Variants in DLGAP2 observed in about 807,000 individuals in gnomAD.
DLGAP2 encodes the protein disks large-associated protein 2.
DLGAP2 carries 26 observed loss-of-function variants against 100.3 expected under a neutral mutation model. The observed-to-expected ratio is 0.26, with a 90% CI of 0.19 to 0.36. The LOEUF (loss-of-function observed/expected upper bound fraction) is 0.36, where lower values mean the gene tolerates loss of function less well. Among genes scored for constraint, DLGAP2 ranks in the 10% least tolerant of loss-of-function variants. The pLI, the probability that DLGAP2 is intolerant of heterozygous loss-of-function variation, is 1.00. For synonymous variants in DLGAP2, 886 were observed against 630.1 expected (o/e 1.41, Z -6.08); for missense variants, 1,858 against 1,453.2 (o/e 1.28, Z -4.53).
chr8:1,290,142 C>T (rs1443240922), intron 3 of DLGAP2, among the ~76,000 whole-genome samples: 3 of 152,170 alleles, frequency 2.0e-5, no homozygotes, highest in African/African-American at 7.2e-5. Flanking sequence ...GACTCTATTA[C>T]ATAACGTGTG....
intron 2 of DLGAP2, among the ~76,000 whole-genome samples, chr8:1,029,348 T>G (rs888745530): frequency 1.3e-5 from 2 of 152,006 alleles, no homozygotes; most frequent in Admixed American, 1.3e-4. Flanking sequence ...TACCAGCATT[T>G]AGGGTGGGCA....
intron 5 of DLGAP2, among the ~76,000 whole-genome samples, chr8:1,550,199 T>C (rs764291297): frequency 6.6e-6 from 1 of 152,206 alleles, no homozygotes; most frequent in African/African-American, 2.4e-5. Context: ...GCAGATCTCC[T>C]TCTTTCAAAG....
chr8:1,663,986 C>T (rs1231026149), intron 8 of DLGAP2, among the ~76,000 whole-genome samples: 1 of 152,176 alleles, frequency 6.6e-6, no homozygotes, highest in African/African-American at 2.4e-5. Flanking sequence ...CTGCAGACCG[C>T]TGGGGAAATC....
intron 2 of DLGAP2, among the ~76,000 whole-genome samples, chr8:1,023,851 T>TTA (rs199656400): frequency 7.0e-5 from 5 of 71,170 alleles, no homozygotes; most frequent in Admixed American, 1.7e-4. Flanking sequence ...TGCTCAAACT[T>TTA]TATATATGTG....
At chr8:972,784 G>A (rs954157910) in intron 2 of DLGAP2, among the ~76,000 whole-genome samples, 1 of 152,188 alleles carries the variant, frequency 6.6e-6, no homozygotes. Flanking sequence ...CGGTGTTTGT[G>A]TCCCTGGGTA....
intron 3 of DLGAP2, among the ~76,000 whole-genome samples, chr8:1,465,070 C>G (rs1017621745): frequency 7.2e-5 from 11 of 152,362 alleles, no homozygotes; most frequent in Middle Eastern, 3.4e-3. Flanking sequence ...GGTCACCAGC[C>G]AGGGATCCCC....
intron 2 of DLGAP2, among the ~76,000 whole-genome samples, chr8:908,589 T>A (rs1472884661): frequency 6.6e-6 from 1 of 152,184 alleles, no homozygotes; most frequent in East Asian, 1.9e-4. Context: ...TAAAAAAAAC[T>A]TCGTTATCAT....
At chr8:1,452,375 C>G (rs568666785) in intron 3 of DLGAP2, among the ~76,000 whole-genome samples, 1 of 152,350 alleles carries the variant, frequency 6.6e-6, no homozygotes, top group East Asian at 1.9e-4. Flanking sequence ...AACATCAGCC[C>G]TGAGCCGAGG....
chr8:1,355,653 G>A (rs561852077), intron 3 of DLGAP2, among the ~76,000 whole-genome samples: 18 of 152,180 alleles, frequency 1.2e-4, no homozygotes, highest in South Asian at 4.2e-4. Context: ...ATGAGCCACC[G>A]CACCTGGCCA....
chr8:1,320,259 C>A, intron 3 of DLGAP2, among the ~76,000 whole-genome samples: 1 of 151,978 alleles, frequency 6.6e-6, no homozygotes, highest in East Asian at 1.9e-4. Flanking sequence ...TCTTCCTGAG[C>A]CCCACTGAGT....
chr8:1,268,734 C>T (rs920332995), intron 3 of DLGAP2, among the ~76,000 whole-genome samples: 13 of 152,238 alleles, frequency 8.5e-5, no homozygotes, highest in Non-Finnish European at 1.3e-4. Context: ...CAACTTACTA[C>T]TTGTTTCTTT....
chr8:1,613,542 TA>T (rs35540568), intron 6 of DLGAP2, among the ~76,000 whole-genome samples: 9,869 of 135,726 alleles, frequency 0.073, 999 homozygotes, highest in African/African-American at 0.24. Flanking sequence ...TAAAGTATAA[TA>T]AAAAAAAAAA....
chr8:1,346,342 G>C (rs1801555174), intron 3 of DLGAP2, among the ~76,000 whole-genome samples: 1 of 151,450 alleles, frequency 6.6e-6, no homozygotes, highest in African/African-American at 2.4e-5. Context: ...ATACACATCT[G>C]CATTGCTCTC....
At chr8:765,923 C>T (rs1821202685) in intron 1 of DLGAP2, among the ~76,000 whole-genome samples, 2 of 152,162 alleles carry the variant, frequency 1.3e-5, no homozygotes, top group Non-Finnish European at 2.9e-5. Context: ...AATCCCAGTA[C>T]TTTGGGAGGC....
intron 1 of DLGAP2, among the ~76,000 whole-genome samples, chr8:885,803 T>C (rs1247870294): frequency 2.0e-5 from 3 of 152,178 alleles, no homozygotes; most frequent in African/African-American, 7.2e-5. Context: ...CTTCAATACC[T>C]AGTTTATTGA....
chr8:841,836 C>G (rs1209997046), intron 1 of DLGAP2, among the ~76,000 whole-genome samples: 1 of 152,188 alleles, frequency 6.6e-6, no homozygotes, highest in Non-Finnish European at 1.5e-5. Flanking sequence ...TTTACTATGG[C>G]TATTTCATAT....
intron 3 of DLGAP2, among the ~76,000 whole-genome samples, chr8:1,384,062 T>C (rs919484968): frequency 1.3e-5 from 2 of 152,206 alleles, no homozygotes; most frequent in African/African-American, 4.8e-5. Flanking sequence ...CATTCAGACG[T>C]TGGGAAACAG....
chr8:979,731 T>A (rs1163850366), intron 2 of DLGAP2, among the ~76,000 whole-genome samples: 1 of 152,218 alleles, frequency 6.6e-6, no homozygotes, highest in Non-Finnish European at 1.5e-5. Flanking sequence ...TTCAGGCACA[T>A]GTGCCAGTCC....
chr8:1,002,789 G>C (rs546290959), intron 2 of DLGAP2: 1 of 152,316 alleles, frequency 6.6e-6, no homozygotes, highest in Non-Finnish European at 1.5e-5. Flanking sequence ...GGGGGTCTCG[G>C]AGCCAGTGGC....
Sources: gnomAD v4.1 joint callset for allele counts (sites outside exome capture counted in the v4.1 genomes callset) on GRCh38, gnomAD v4.1.1 for gene constraint, MANE v1.5 for transcripts, NCBI Gene and HGNC (gene_info 2026-07-23, HGNC 2026-07-21) for gene names.